The following HDAC9 variants were observed in gnomAD, a reference collection of about 807,000 sequenced individuals.
The protein encoded by HDAC9 is histone deacetylase 9, also known as MEF-2 interacting transcription repressor (MITR) protein.
Under a neutral mutation model 139.4 loss-of-function variants are expected in HDAC9, and 41 were observed. The ratio of observed to expected loss-of-function variants is 0.29; its 90% CI spans 0.23 to 0.38. HDAC9 has a LOEUF of 0.38. HDAC9 is among the 10% of genes least tolerant of loss of function. The pLI is 1.00. For missense variants in HDAC9, 1,147 were observed against 1,297.0 expected, an observed-to-expected ratio of 0.88 and a Z score of 1.78; for synonymous variants, 517 against 476.2, an observed-to-expected ratio of 1.09 and a Z score of -1.12.
intron 12 of HDAC9, among the ~76,000 whole-genome samples, chr7:18,675,330 C>T (rs1292531563): frequency 1.3e-5 from 2 of 152,006 alleles, no homozygotes; most frequent in Non-Finnish European, 2.9e-5. Context: ...ACTTCCCCAC[C>T]TACTAGCAAC....
rs186116879 is a variant in HDAC9, at chr7:18,148,461, T to C, written c.-96-13768T>C. On this transcript the variant is annotated intron_variant, in intron 1 of 12. Coordinates refer to the HDAC9 transcript ENST00000417496. ...CTGCCTCTCCCTTCTACTTTATTTA[T>C]TTATTTATTTTTGAGATGGAGTCTT... Among the ~76,000 whole-genome samples, 11 of 152,008 alleles carry C rather than the reference T, an allele frequency of 7.2e-5. No homozygotes were observed. The East Asian group carries it at 2.1e-3, about 29-fold the overall frequency.
chr7:18,731,697 C>A (rs1362575199), intron 13 of HDAC9, among the ~76,000 whole-genome samples: 1 of 152,134 alleles, frequency 6.6e-6, no homozygotes, highest in African/African-American at 2.4e-5. Context: ...ACGATCTTGG[C>A]TCACCACAAC....
chr7:18,906,128 C>T (rs1445739681), intron 22 of HDAC9, among the ~76,000 whole-genome samples: 1 of 144,068 alleles, frequency 6.9e-6, no homozygotes, highest in Non-Finnish European at 1.5e-5. Flanking sequence ...TGTCTTTTTC[C>T]TTTTTTTTTT....
In HDAC9 at chr7:18,430,898, A is replaced by C. The variant is rs1790583994; in HGVS notation, c.-41-65364A>C. Among the ~76,000 whole-genome samples, 2 of 152,112 alleles carry C rather than the reference A, an allele frequency of 1.3e-5. 1 individual carries two copies. The highest frequency in any genetic ancestry group is 4.1e-4 in the South Asian group (2 of 4,826). On this transcript the variant is annotated intron_variant, in intron 1 of 3. Coordinates refer to the HDAC9 transcript ENST00000413509. ...TGAGACTATCTAAACAAACCAAACC[A>C]AACCAAACAAAACAAAACTAAACCT...
chr7:18,991,675 A>T (rs1049579770), intron 25 of HDAC9, among the ~76,000 whole-genome samples: 5 of 152,184 alleles, frequency 3.3e-5, no homozygotes, highest in African/African-American at 9.7e-5. Flanking sequence ...AGTGAGATAA[A>T]CAGACTTACT....
chr7:18,142,537 G>C (rs1562668381), intron 1 of HDAC9, among the ~76,000 whole-genome samples: 1 of 152,216 alleles, frequency 6.6e-6, no homozygotes, highest in Non-Finnish European at 1.5e-5. Flanking sequence ...TCACCACATG[G>C]AACTTTGTTG....
intron 8 of HDAC9, 67 bp from the exon 9 acceptor site, chr7:18,644,604 A>G: frequency 7.1e-7 from 1 of 1,411,656 alleles, no homozygotes; most frequent in East Asian, 2.4e-5. Flanking sequence ...ATTTTCTGAA[A>G]TGAGAACATT....
intron 17 of HDAC9, among the ~76,000 whole-genome samples, chr7:18,828,177 A>G (rs1291300068): frequency 6.6e-6 from 1 of 152,180 alleles, no homozygotes; most frequent in Non-Finnish European, 1.5e-5. Flanking sequence ...ATATTTTTAT[A>G]TATGCAGTAA....
intron 1 of HDAC9, among the ~76,000 whole-genome samples, chr7:18,312,606 G>T (rs554071977): frequency 2.0e-5 from 3 of 152,044 alleles, no homozygotes; most frequent in Admixed American, 1.3e-4. Context: ...TTACACCTAG[G>T]GTTCTGAGTC....
At chr7:18,935,580 T>C (rs899713119) in intron 22 of HDAC9, among the ~76,000 whole-genome samples, 1 of 152,086 alleles carries the variant, frequency 6.6e-6, no homozygotes, top group Admixed American at 6.6e-5. Flanking sequence ...TTGGTGCCAG[T>C]CTTGGTTGTG....
At chr7:18,498,813 AAT>A (rs1286489349) in intron 2 of HDAC9, among the ~76,000 whole-genome samples, 1 of 152,046 alleles carries the variant, frequency 6.6e-6, no homozygotes, top group Admixed American at 6.6e-5. Flanking sequence ...CAGATGTATC[AAT>A]ATGTCTTTAA....
At chr7:18,616,270 A>G (rs1029457573) in intron 6 of HDAC9, among the ~76,000 whole-genome samples, 1 of 135,222 alleles carries the variant, frequency 7.4e-6, no homozygotes, top group Admixed American at 7.5e-5. Flanking sequence ...ACATCTTTGG[A>G]GTGGGGCATT....
chr7:18,365,975 T>TTC (rs1784149859), intron 1 of HDAC9, among the ~76,000 whole-genome samples: 1 of 151,716 alleles, frequency 6.6e-6, no homozygotes, highest in Non-Finnish European at 1.5e-5. Flanking sequence ...TGTCAATTTC[T>TTC]TCTCTATTAA....
chr7:18,643,005 T>C lies in HDAC9; in HGVS notation c.913-1666T>C, dbSNP rs562681662. ...AAATGCTTATTTTTCCACACTTATT[T>C]TCTCTTCAATGAATACAGATAAGTG... On this transcript the variant is annotated intron_variant, in intron 8 of 25. Transcript: ENST00000686413. Among the ~76,000 whole-genome samples, 6 of 152,236 alleles carry C rather than the reference T, an allele frequency of 3.9e-5. No individual in the cohort carries two copies. In the South Asian group the frequency reaches 8.3e-4, roughly 21 times the overall value.
chr7:18,529,158 A>T (rs971421599), intron 2 of HDAC9, among the ~76,000 whole-genome samples: 1 of 152,196 alleles, frequency 6.6e-6, no homozygotes, highest in Non-Finnish European at 1.5e-5. Flanking sequence ...AAAATTAAAA[A>T]TAGGAGACAG....
At chr7:18,983,464 A>G (rs1281053825) in intron 25 of HDAC9, among the ~76,000 whole-genome samples, 7 of 152,160 alleles carry the variant, frequency 4.6e-5, no homozygotes, top group Admixed American at 4.6e-4. Flanking sequence ...TGGATGATAT[A>G]TACCCAGAAG....
At chr7:18,533,127 T>C (rs1809597759) in intron 2 of HDAC9, among the ~76,000 whole-genome samples, 1 of 152,354 alleles carries the variant, frequency 6.6e-6, no homozygotes, top group East Asian at 1.9e-4. Context: ...ACTTAGGCTT[T>C]TTTCTGAAGT....
chr7:18,598,940 G>A (rs1284967988), intron 6 of HDAC9, among the ~76,000 whole-genome samples: 1 of 152,234 alleles, frequency 6.6e-6, no homozygotes, highest in Non-Finnish European at 1.5e-5. Context: ...GACTCAGGAG[G>A]CTGAGGAGGG....
intron 1 of HDAC9, among the ~76,000 whole-genome samples, chr7:18,381,242 T>G (rs1362922304): frequency 7.5e-5 from 8 of 107,040 alleles, no homozygotes; most frequent in South Asian, 3.0e-4. Context: ...AAAAGAAAAA[T>G]AAAATAAAAT....
Sources: gnomAD v4.1 joint callset for allele counts (sites outside exome capture counted in the v4.1 genomes callset) on GRCh38, gnomAD v4.1.1 for gene constraint, MANE v1.5 for transcripts, NCBI Gene and HGNC (gene_info 2026-07-23, HGNC 2026-07-21) for gene names.